OR10P1: variants seen among roughly 807,000 people sequenced by gnomAD.
OR10P1 encodes olfactory receptor family 10 subfamily P member 1, also known as olfactory receptor 10P1.
For missense variants in OR10P1, 424 were observed against 408.3 expected (o/e 1.04, Z -0.33); for synonymous variants, 181 against 171.1 (o/e 1.06, Z -0.45).
In OR10P1 at chr12:55,637,452, G is replaced by C. The variant is rs769935432; in HGVS notation, c.561G>C (p.Arg187Ser). The change falls in exon 1 of 1, where the codon AGG becomes AGC. Residue 187 changes from arginine to serine, a missense_variant. Transcript: ENST00000309675. ...TCTGTGACATCCTGCCAGTACTGAG[G>C]CTGGCAAGTGCTGGGAAGCACAGGA... ...HFLCDILPVL[R>S]LASAGKHRSE... is the part of the protein sequence containing the mutation. 1.1e-5 allele frequency: 17 copies of C among 1,613,866 alleles called. No homozygotes were observed. Among genetic ancestry groups the C allele is most frequent in the Middle Eastern group, 1.6e-4 (1 of 6,062 alleles).
In OR10P1 at chr12:55,637,194, G is replaced by C. The variant is rs767467510; in HGVS notation, c.303G>C (p.Gln101His). ...TCTCTTTCCAGGGCTGTGCAGCCCA[G>C]ATGTACGTCTTCATTGTCCTGGGCA... The part of the protein sequence containing the change: ...QAISFQGCAA[Q>H]MYVFIVLGIS... The change falls in exon 1 of 1, where the codon CAG (glutamine) becomes CAC (histidine). Residue 101 changes from glutamine to histidine, a missense_variant. Coordinates refer to ENST00000309675, the MANE Select transcript of OR10P1 (RefSeq NM_206899.1). 2.5e-6 allele frequency: 4 copies of C among 1,614,172 alleles called. No homozygotes were observed. The highest frequency in any genetic ancestry group is 3.4e-6 in the Non-Finnish European group (4 of 1,180,030).
At position 55,637,806 on chromosome 12, in the gene OR10P1, G is replaced by A. The variant is rs1868489757; in HGVS notation, c.915G>A (p.Leu305=). ...NKDVRRALRH[L]VKRQRPSP ...ACGTGAGGAGGGCCCTGCGACACTT[G>A]GTGAAGAGGCAGCGCCCCTCACCCT... Residue 305 remains leucine, a synonymous_variant, in exon 1 of 1, where the codon TTG becomes TTA. Coordinates refer to ENST00000309675, the MANE Select transcript of OR10P1 (RefSeq NM_206899.1). The A allele has an allele frequency of 9.3e-6, 15 of 1,606,340 alleles. No homozygotes were observed. Among genetic ancestry groups the A allele is most frequent in the Non-Finnish European group, 1.3e-5 (15 of 1,179,032 alleles).
At position 55,637,461 on chromosome 12, in the gene OR10P1, T is replaced by C; in HGVS notation, c.570T>C (p.Ser190=). 6.2e-7 allele frequency: 1 copy of C among 1,614,032 alleles called. No individual in the cohort carries two copies. The highest frequency in any genetic ancestry group is 8.5e-7 in the Non-Finnish European group (1 of 1,179,992). Residue 190 remains serine, a synonymous_variant, in exon 1 of 1, where the codon AGT becomes AGC. Coordinates refer to ENST00000309675, the MANE Select transcript of OR10P1 (RefSeq NM_206899.1). ...CDILPVLRLA[S]AGKHRSEISV... ...TCCTGCCAGTACTGAGGCTGGCAAG[T>C]GCTGGGAAGCACAGGAGCGAGATCT...
At position 55,637,689 on chromosome 12, in the gene OR10P1, C is replaced by T; in HGVS notation, c.798C>T (p.Gly266=). The T allele has an allele frequency of 6.2e-7, 1 of 1,614,186 alleles. No individual in the cohort carries two copies. The highest frequency in any genetic ancestry group is 1.1e-5 in the South Asian group (1 of 91,082). Residue 266 remains glycine (G), a synonymous_variant, in exon 1 of 1, where the codon GGC becomes GGT. Coordinates refer to ENST00000309675, the MANE Select transcript of OR10P1 (RefSeq NM_206899.1). ...TCACCTACATCCGGCCGCAGGCAGG[C>T]TCCTCTGTTACCACAGACCGCGTCC... ...ASITYIRPQA[G]SSVTTDRVLS... is the part of the protein sequence containing the mutation.
Position 55,637,789 on chromosome 12 carries a change from A to C in OR10P1, c.898A>C (p.Arg300=), listed in dbSNP as rs755768351. ...IYTLRNKDVR[R]ALRHLVKRQR... is the part of the protein sequence containing the mutation. ...CACCCTTCGGAACAAGGACGTGAGG[A>C]GGGCCCTGCGACACTTGGTGAAGAG... The change falls in exon 1 of 1, where the codon AGG becomes CGG. Residue 300 remains arginine (R), a synonymous_variant. Coordinates refer to ENST00000309675, the MANE Select transcript of OR10P1 (RefSeq NM_206899.1). 7 of 1,610,404 alleles carry C rather than the reference A, an allele frequency of 4.3e-6. No individual in the cohort carries two copies. The South Asian group carries it at 5.5e-5, about 13-fold the overall frequency.
At position 55,637,165 on chromosome 12, in the gene OR10P1, G is replaced by T; in HGVS notation, c.274G>T (p.Ala92Ser). ...LANLGSPHPQAISFQGCAAQM... is the reference protein window; with the variant it reads ...LANLGSPHPQSISFQGCAAQM... ...CAATCTGGGCTCCCCGCATCCCCAG[G>T]CCATCTCTTTCCAGGGCTGTGCAGC... Residue 92 changes from alanine to serine, a missense_variant, in exon 1 of 1, where the codon GCC (alanine) becomes TCC (serine). Physicochemically the swap from Ala to Ser is moderately conservative, Grantham distance 99. Coordinates refer to ENST00000309675, the MANE Select transcript of OR10P1 (RefSeq NM_206899.1). The T allele has an allele frequency of 1.2e-6, 2 of 1,614,128 alleles. No individual in the cohort carries two copies. The highest frequency in any genetic ancestry group is 1.7e-6 in the Non-Finnish European group (2 of 1,180,004).
At position 55,637,778 on chromosome 12, in the gene OR10P1, A is replaced by G; in HGVS notation, c.887A>G (p.Lys296Arg). 1 of 1,611,868 alleles carries G rather than the reference A, an allele frequency of 6.2e-7. No individual in the cohort carries two copies. The highest frequency in any genetic ancestry group is 8.5e-7 in the Non-Finnish European group (1 of 1,179,986). The change falls in exon 1 of 1, where the codon AAG becomes AGG. Residue 296 changes from lysine to arginine, a missense_variant. Physicochemically the swap from Lys to Arg is conservative, Grantham distance 26. Coordinates refer to ENST00000309675, the MANE Select transcript of OR10P1 (RefSeq NM_206899.1). ...LNPIIYTLRN[K>R]DVRRALRHLV... is the part of the protein sequence containing the mutation. ...CCCATCATCTACACCCTTCGGAACA[A>G]GGACGTGAGGAGGGCCCTGCGACAC... is the stretch of plus-strand genomic sequence containing the variant.
rs770351322 is a variant in OR10P1, at chr12:55,637,148, G to A, written c.257G>A (p.Gly86Asp). Reference sequence around the variant, plus strand: ...GTGCCCAGGACCCTGGCCAATCTGGGCTCCCCGCATCCCCAGGCCATCTCT... The same window carrying A: ...GTGCCCAGGACCCTGGCCAATCTGGACTCCCCGCATCCCCAGGCCATCTCT... ...DIVPRTLANLGSPHPQAISFQ... is the reference protein window; with the variant it reads ...DIVPRTLANLDSPHPQAISFQ... The change falls in exon 1 of 1, where the codon GGC (glycine) becomes GAC (aspartate). Residue 86 changes from glycine (G) to aspartate (D), a missense_variant. Physicochemically the swap from Gly to Asp is moderately conservative, Grantham distance 94. Coordinates refer to ENST00000309675, the MANE Select transcript of OR10P1 (RefSeq NM_206899.1). The A allele has an allele frequency of 4.1e-5, 66 of 1,613,930 alleles. No individual in the cohort carries two copies. The highest frequency in any genetic ancestry group is 5.4e-5 in the Non-Finnish European group (64 of 1,179,980).
Position 55,637,160 on chromosome 12 carries a change from C to A in OR10P1, c.269C>A (p.Pro90His), listed in dbSNP as rs917639245. Residue 90 changes from proline to histidine, a missense_variant, in exon 1 of 1, where the codon CCC becomes CAC. By Grantham distance (77) the Pro-to-His change is moderately conservative. Coordinates refer to ENST00000309675, the MANE Select transcript of OR10P1 (RefSeq NM_206899.1). ...CTGGCCAATCTGGGCTCCCCGCATC[C>A]CCAGGCCATCTCTTTCCAGGGCTGT... ...RTLANLGSPH[P>H]QAISFQGCAA... The A allele has an allele frequency of 3.7e-6, 6 of 1,614,186 alleles. No individual in the cohort carries two copies. Among genetic ancestry groups the A allele is most frequent in the Non-Finnish European group, 5.1e-6 (6 of 1,180,018 alleles).
At position 55,637,237 on chromosome 12, in the gene OR10P1, C is replaced by T. The variant is rs900790720; in HGVS notation, c.346C>T (p.Leu116Phe). 40 of 1,613,998 alleles carry T rather than the reference C, an allele frequency of 2.5e-5. 4 individuals carry two copies. The Middle Eastern group carries it at 3.8e-3, about 153-fold the overall frequency. ...CCTGGGCATCTCGGAGTGCTGCCTG[C>T]TCACGGCCATGGCCTATGACCGATA... ...IVLGISECCL[L>F]TAMAYDRYVA... Residue 116 changes from leucine to phenylalanine, a missense_variant, in exon 1 of 1, where the codon CTC (leucine) becomes TTC (phenylalanine). Leu to Phe is a conservative substitution (Grantham distance 22). Coordinates refer to ENST00000309675, the MANE Select transcript of OR10P1 (RefSeq NM_206899.1).
At position 55,637,354 on chromosome 12, in the gene OR10P1, A is replaced by G. The variant is rs773180665; in HGVS notation, c.463A>G (p.Ile155Val). 7.3e-5 allele frequency: 118 copies of G among 1,613,202 alleles called. No homozygotes were observed. Among genetic ancestry groups the G allele is most frequent in the Non-Finnish European group, 9.9e-5 (117 of 1,179,996 alleles). The part of the protein sequence containing the change: ...MVGTSWLTGI[I>V]TATTHASLIF... ...GGGTACCTCCTGGCTCACAGGCATC[A>G]TCACGGCCACCACCCATGCCTCCCT... The change falls in exon 1 of 1, where the codon ATC (isoleucine) becomes GTC (valine). Residue 155 changes from isoleucine to valine, a missense_variant. Physicochemically the swap from Ile to Val is conservative, Grantham distance 29. Coordinates refer to ENST00000309675, the MANE Select transcript of OR10P1 (RefSeq NM_206899.1).
chr12:55,637,225 G>T lies in OR10P1; in HGVS notation c.334G>T (p.Glu112Ter). The T allele has an allele frequency of 6.2e-7, 1 of 1,614,088 alleles. No individual in the cohort carries two copies. Among genetic ancestry groups the T allele is most frequent in the African/African-American group, 1.3e-5 (1 of 75,028 alleles). Residue 112 changes from glutamate to a stop codon, truncating the protein, a stop_gained, in exon 1 of 1, where the codon GAG becomes TAG. Transcript: ENST00000309675. LOFTEE classifies it low-confidence loss of function (END_TRUNC). Reference sequence around the variant, plus strand: ...CGTCTTCATTGTCCTGGGCATCTCGGAGTGCTGCCTGCTCACGGCCATGGC... The same window carrying T: ...CGTCTTCATTGTCCTGGGCATCTCGTAGTGCTGCCTGCTCACGGCCATGGC... ...MYVFIVLGIS[E>*]CCLLTAMAYD...
In OR10P1 at chr12:55,637,224, G is replaced by A. The variant is rs140777781; in HGVS notation, c.333G>A (p.Ser111=). The A allele has an allele frequency of 1.6e-4, 261 of 1,613,990 alleles. No individual in the cohort carries two copies. Among genetic ancestry groups the A allele is most frequent in the Admixed American group, 1.5e-4 (9 of 59,998 alleles). ...QMYVFIVLGI[S]ECCLLTAMAY... Reference sequence around the variant, plus strand: ...ACGTCTTCATTGTCCTGGGCATCTCGGAGTGCTGCCTGCTCACGGCCATGG... The same window carrying A: ...ACGTCTTCATTGTCCTGGGCATCTCAGAGTGCTGCCTGCTCACGGCCATGG... The change falls in exon 1 of 1, where the codon TCG becomes TCA. Residue 111 remains serine, a synonymous_variant. Transcript: ENST00000309675.
Position 55,637,709 on chromosome 12 carries a change from G to GC in OR10P1, c.819dup (p.Val274ArgfsTer?). The GC allele has an allele frequency of 6.2e-7, 1 of 1,613,926 alleles. No individual in the cohort carries two copies. Among genetic ancestry groups the GC allele is most frequent in the South Asian group, 1.1e-5 (1 of 91,066 alleles). On this transcript the variant is annotated frameshift_variant, in exon 1 of 1. Transcript: ENST00000309675. LOFTEE classifies it low-confidence loss of function (END_TRUNC). Reference sequence around the variant, plus strand: ...GCAGGCTCCTCTGTTACCACAGACCGCGTCCTCAGTCTCTTCTACACAGTC... The same window carrying GC: ...GCAGGCTCCTCTGTTACCACAGACCGCCGTCCTCAGTCTCTTCTACACAGTC...
chr12:55,637,082 G>T lies in OR10P1; in HGVS notation c.191G>T (p.Arg64Leu). ...CACTCCCCCATGTACTTCTTCCTGCGCCAACTCTCAGTGGTGGAGCTCTTC... is the reference window on the plus strand; with the variant it reads ...CACTCCCCCATGTACTTCTTCCTGCTCCAACTCTCAGTGGTGGAGCTCTTC... Reference protein sequence around the residue: ...ALHSPMYFFLRQLSVVELFYT... With the variant: ...ALHSPMYFFLLQLSVVELFYT... The change falls in exon 1 of 1, where the codon CGC (arginine) becomes CTC (leucine). Residue 64 changes from arginine to leucine, a missense_variant. Physicochemically the swap from Arg to Leu is moderately radical, Grantham distance 102. Transcript: ENST00000309675. 2.5e-6 allele frequency: 4 copies of T among 1,613,886 alleles called. No homozygotes were observed. The highest frequency in any genetic ancestry group is 2.5e-6 in the Non-Finnish European group (3 of 1,179,942).
rs140126802 is a variant in OR10P1 at position 55,637,081 on chromosome 12, C to T, written c.190C>T (p.Arg64Cys). Reference sequence around the variant, plus strand: ...GCACTCCCCCATGTACTTCTTCCTGCGCCAACTCTCAGTGGTGGAGCTCTT... The same window carrying T: ...GCACTCCCCCATGTACTTCTTCCTGTGCCAACTCTCAGTGGTGGAGCTCTT... The part of the protein sequence containing the change: ...ALHSPMYFFL[R>C]QLSVVELFYT... Residue 64 changes from arginine (R) to cysteine (C), a missense_variant, in exon 1 of 1, where the codon CGC (arginine) becomes TGC (cysteine). Arg to Cys is a radical substitution (Grantham distance 180). Coordinates refer to ENST00000309675, the MANE Select transcript of OR10P1 (RefSeq NM_206899.1). 68 of 1,613,974 alleles carry T rather than the reference C, an allele frequency of 4.2e-5. No homozygotes were observed. The African/African-American group carries it at 5.7e-4, about 14-fold the overall frequency.
chr12:55,637,056 GCACTC>G lies in OR10P1; in HGVS notation c.167_171del (p.His56ProfsTer19). The G allele has an allele frequency of 6.2e-7, 1 of 1,613,980 alleles. No homozygotes were observed. The highest frequency in any genetic ancestry group is 8.5e-7 in the Non-Finnish European group (1 of 1,179,972). On this transcript the variant is annotated frameshift_variant, in exon 1 of 1. Coordinates refer to ENST00000309675, the MANE Select transcript of OR10P1 (RefSeq NM_206899.1). LOFTEE classifies it low-confidence loss of function (END_TRUNC). The stretch of plus-strand genomic sequence containing the variant: ...TCCTCACACAGGTCAGCCCTGCCCT[GCACTC>G]CCCCATGTACTTCTTCCTGCGCCAA...
rs1384730758 is a variant in OR10P1 at position 55,637,218 on chromosome 12, C to T, written c.327C>T (p.Gly109=). 1.2e-6 allele frequency: 2 copies of T among 1,614,050 alleles called. No homozygotes were observed. Among genetic ancestry groups the T allele is most frequent in the Non-Finnish European group, 1.7e-6 (2 of 1,180,022 alleles). The change falls in exon 1 of 1, where the codon GGC becomes GGT. Residue 109 remains glycine, a synonymous_variant. Transcript: ENST00000309675. The part of the protein sequence containing the change: ...AAQMYVFIVL[G]ISECCLLTAM... ...AGATGTACGTCTTCATTGTCCTGGG[C>T]ATCTCGGAGTGCTGCCTGCTCACGG...
Position 55,637,464 on chromosome 12 carries a change from T to C in OR10P1, c.573T>C (p.Ala191=). ...TGCCAGTACTGAGGCTGGCAAGTGC[T>C]GGGAAGCACAGGAGCGAGATCTCCG... ...DILPVLRLAS[A]GKHRSEISVM... Residue 191 remains alanine, a synonymous_variant, in exon 1 of 1, where the codon GCT becomes GCC. Transcript: ENST00000309675. 1 of 1,614,066 alleles carries C rather than the reference T, an allele frequency of 6.2e-7. No individual in the cohort carries two copies. Among genetic ancestry groups the C allele is most frequent in the South Asian group, 1.1e-5 (1 of 91,080 alleles).
Sources: allele counts gnomAD v4.1 joint callset, GRCh38; gene constraint gnomAD v4.1.1; transcripts MANE v1.5; gene names NCBI Gene and HGNC (gene_info 2026-07-23, HGNC 2026-07-21).